The following ANKFN1 variants were observed in gnomAD, a reference collection of about 807,000 sequenced individuals.
ANKFN1 encodes the protein ankyrin repeat and fibronectin type III domain containing 1.
A neutral mutation model predicts 108.7 loss-of-function variants in ANKFN1; 74 were observed. That is an observed-to-expected ratio of 0.68 (90% CI 0.56 to 0.83). The LOEUF (loss-of-function observed/expected upper bound fraction) is 0.83, where lower values mean the gene tolerates loss of function less well. Ranked by LOEUF, ANKFN1 falls within the 40% of genes least tolerant of loss-of-function variation. The pLI is 0.00. For missense variants in ANKFN1, 1,505 were observed against 1,382.3 expected, an observed-to-expected ratio of 1.09 and a Z score of -1.41; for synonymous variants, 547 against 516.2, an observed-to-expected ratio of 1.06 and a Z score of -0.81.
chr17:56,292,537 C>T (rs1387025675), intron 3 of ANKFN1, among the ~76,000 whole-genome samples: 4 of 152,122 alleles, frequency 2.6e-5, no homozygotes, highest in South Asian at 2.1e-4. Flanking sequence ...GGTGGTCCTA[C>T]GAGGACAGAG....
chr17:56,253,063 AAATAAT>A (rs1436224633), intron 3 of ANKFN1, among the ~76,000 whole-genome samples: 2 of 152,282 alleles, frequency 1.3e-5, no homozygotes, highest in East Asian at 3.9e-4. Context: ...CCTTGTCTTC[AAATAAT>A]AATAATAATT....
chr17:56,257,653 C>T (rs572785034), intron 3 of ANKFN1, among the ~76,000 whole-genome samples: 2 of 152,292 alleles, frequency 1.3e-5, no homozygotes, highest in South Asian at 2.1e-4. Flanking sequence ...GTTCAAGGGA[C>T]TCCCTCTCAG....
At chr17:56,461,912 G>A (rs1872607710) in intron 14 of ANKFN1, among the ~76,000 whole-genome samples, 1 of 152,134 alleles carries the variant, frequency 6.6e-6, no homozygotes. Flanking sequence ...TTGTAGTTTT[G>A]TAGCATAGTT....
At chr17:56,362,818 A>G (rs57346152) in intron 6 of ANKFN1, among the ~76,000 whole-genome samples, 10,045 of 152,256 alleles carry the variant, frequency 0.066, 1,132 homozygotes, top group African/African-American at 0.23. Flanking sequence ...CAACCTGTGT[A>G]TTGGGAGAAA....
chr17:56,500,935 C>T (rs929341324), intron 20 of ANKFN1, among the ~76,000 whole-genome samples: 1 of 152,030 alleles, frequency 6.6e-6, no homozygotes, highest in Non-Finnish European at 1.5e-5. Flanking sequence ...AATTTCAGAT[C>T]GTGAAAATTC....
At chr17:56,118,751 A>C (rs1420132562) in intron 4 of ANKFN1, among the ~76,000 whole-genome samples, 2 of 152,200 alleles carry the variant, frequency 1.3e-5, no homozygotes, top group African/African-American at 4.8e-5. Context: ...CTATTTACTC[A>C]GTCCACAATA....
chr17:56,269,673 G>A (rs570679986), intron 3 of ANKFN1, among the ~76,000 whole-genome samples: 5 of 152,174 alleles, frequency 3.3e-5, no homozygotes, highest in Non-Finnish European at 7.3e-5. Flanking sequence ...ATTTTAACCC[G>A]CAGCATAACA....
At chr17:56,232,170 A>G (rs953080860) in intron 3 of ANKFN1, among the ~76,000 whole-genome samples, 9 of 152,052 alleles carry the variant, frequency 5.9e-5, no homozygotes, top group African/African-American at 2.2e-4. Flanking sequence ...AACATCCTCA[A>G]TTTCTTCAGC....
At chr17:56,280,687 A>C (rs1477135429) in intron 3 of ANKFN1, among the ~76,000 whole-genome samples, 2 of 151,610 alleles carry the variant, frequency 1.3e-5, no homozygotes, top group Admixed American at 1.3e-4. Context: ...ACCCTGGCTA[A>C]TACAAAATCA....
At chr17:56,145,338 A>T (rs141699701) in intron 4 of ANKFN1, among the ~76,000 whole-genome samples, 1 of 152,248 alleles carries the variant, frequency 6.6e-6, no homozygotes, top group Non-Finnish European at 1.5e-5. Context: ...GTATTAGTCC[A>T]TTCTCATGCT....
chr17:56,215,049 A>G (rs956558984), intron 2 of ANKFN1, among the ~76,000 whole-genome samples: 1 of 152,220 alleles, frequency 6.6e-6, no homozygotes, highest in Non-Finnish European at 1.5e-5. Flanking sequence ...AATATCTCTG[A>G]AGATTTCCTG....
chr17:56,269,604 G>A, intron 3 of ANKFN1, among the ~76,000 whole-genome samples: 1 of 152,100 alleles, frequency 6.6e-6, no homozygotes, highest in East Asian at 1.9e-4. Context: ...GATTTCATGA[G>A]AAAAAAAGTC....
chr17:56,511,196 C>T lies in ANKFN1; in HGVS notation c.3368C>T (p.Pro1123Leu), dbSNP rs1347164852. ...GGAGGCCGCATCACCCTGCCCAGCC[C>T]CACTGGCCCCGATGTGAGTCAGGAG... ...PSGGRITLPS[P>L]TGPDVSQEGP... The change falls in exon 21 of 21, where the codon CCC becomes CTC. Residue 1123 changes from proline (P) to leucine (L), a missense_variant. Physicochemically the swap from Pro to Leu is moderately conservative, Grantham distance 98. Coordinates refer to ENST00000682825, the MANE Select transcript of ANKFN1 (RefSeq NM_001370326.1). 1.3e-6 allele frequency: 2 copies of T among 1,535,786 alleles called. No individual in the cohort carries two copies. Among genetic ancestry groups the T allele is most frequent in the East Asian group, 4.9e-5 (2 of 40,912 alleles).
intron 3 of ANKFN1, among the ~76,000 whole-genome samples, chr17:56,240,489 A>C (rs1226862399): frequency 6.6e-6 from 1 of 152,156 alleles, no homozygotes; most frequent in Non-Finnish European, 1.5e-5. Flanking sequence ...ATAAAAAAAT[A>C]CTGCAATGAT....
intron 8 of ANKFN1, among the ~76,000 whole-genome samples, chr17:56,416,524 A>G (rs117871391): frequency 0.024 from 3,582 of 152,318 alleles, 67 homozygotes; most frequent in African/African-American, 0.051. Flanking sequence ...CACCCCAGTT[A>G]AAATGGCTTT....
At chr17:56,461,859 G>A (rs1180454963) in intron 14 of ANKFN1, among the ~76,000 whole-genome samples, 1 of 152,094 alleles carries the variant, frequency 6.6e-6, no homozygotes, top group Non-Finnish European at 1.5e-5. Flanking sequence ...ACACTTGAGG[G>A]AAACTTTATC....
chr17:56,305,671 A>G (rs2044800263), intron 3 of ANKFN1, among the ~76,000 whole-genome samples: 1 of 152,160 alleles, frequency 6.6e-6, no homozygotes, highest in Non-Finnish European at 1.5e-5. Context: ...GTCATTTTTT[A>G]ATGTTATGGA....
chr17:56,134,076 C>T (rs950072221), intron 4 of ANKFN1, among the ~76,000 whole-genome samples: 86 of 152,206 alleles, frequency 5.7e-4, no homozygotes, highest in African/African-American at 1.7e-3. Context: ...GTGGTTCTGA[C>T]GACTTCCTTC....
chr17:56,460,080 G>A (rs1374157838), intron 14 of ANKFN1, among the ~76,000 whole-genome samples: 2 of 149,298 alleles, frequency 1.3e-5, no homozygotes, highest in Non-Finnish European at 3.0e-5. Flanking sequence ...CACAAAAAAG[G>A]GCTGACTGGT....
Sources: allele counts gnomAD v4.1 joint callset (sites outside exome capture counted in the v4.1 genomes callset), GRCh38; gene constraint gnomAD v4.1.1; transcripts MANE v1.5; gene names NCBI Gene and HGNC (gene_info 2026-07-23, HGNC 2026-07-21).